Variants in SDHAF3 observed in about 807,000 individuals in gnomAD.
SDHAF3 encodes the protein succinate dehydrogenase complex assembly factor 3.
In SDHAF3, 18 loss-of-function variants were observed where a neutral mutation model predicts 11.5. The observed-to-expected ratio is 1.56, with a 90% CI of 1.08 to 2.32. SDHAF3 has a LOEUF of 2.32. SDHAF3 is among the 30% of genes most tolerant of loss of function. The pLI is 0.00. For synonymous variants in SDHAF3, 72 were observed against 59.3 expected (o/e 1.21, Z -0.99); for missense variants, 200 against 154.4 (o/e 1.30, Z -1.57).
At chr7:97,132,352 G>A (rs183482693) in intron 1 of SDHAF3, among the ~76,000 whole-genome samples, 46 of 152,116 alleles carry the variant, frequency 3.0e-4, no homozygotes, top group East Asian at 1.9e-4. Context: ...AAATCTAAAC[G>A]TGTAGATTCA....
chr7:97,171,264 T>G (rs1789598398), intron 1 of SDHAF3, among the ~76,000 whole-genome samples: 1 of 152,078 alleles, frequency 6.6e-6, no homozygotes, highest in Non-Finnish European at 1.5e-5. Flanking sequence ...GAATAAATTT[T>G]GGGGGAAAGT....
chr7:97,163,073 A>G (rs915524542), intron 1 of SDHAF3, among the ~76,000 whole-genome samples: 2 of 151,168 alleles, frequency 1.3e-5, no homozygotes, highest in Non-Finnish European at 1.5e-5. Context: ...ATTTGGGTGC[A>G]TATATATTTA....
chr7:97,141,053 G>A (rs901721445), intron 1 of SDHAF3, among the ~76,000 whole-genome samples: 6 of 152,222 alleles, frequency 3.9e-5, no homozygotes, highest in African/African-American at 1.4e-4. Flanking sequence ...CTGCTTTGGG[G>A]ATGGCTGTCT....
At chr7:97,180,817 TA>T (rs1192676390) in intron 1 of SDHAF3, among the ~76,000 whole-genome samples, 194 bp from the exon 2 acceptor site, 3 of 152,176 alleles carry the variant, frequency 2.0e-5, no homozygotes, top group Non-Finnish European at 4.4e-5. Flanking sequence ...TTAAAACACT[TA>T]AAGTGCTAAA....
chr7:97,180,550 C>G (rs895746159), intron 1 of SDHAF3, among the ~76,000 whole-genome samples: 2 of 152,056 alleles, frequency 1.3e-5, no homozygotes, highest in Non-Finnish European at 2.9e-5. Flanking sequence ...GCAGTTATTC[C>G]CATCTAACAA....
intron 1 of SDHAF3, among the ~76,000 whole-genome samples, chr7:97,176,665 T>G (rs1404132730): frequency 6.6e-6 from 1 of 152,176 alleles, no homozygotes; most frequent in African/African-American, 2.4e-5. Context: ...TTGGGTTTTT[T>G]TGTTTCCTTT....
intron 1 of SDHAF3, among the ~76,000 whole-genome samples, chr7:97,163,795 GTT>G (rs887791967): frequency 3.9e-5 from 6 of 152,102 alleles, no homozygotes; most frequent in African/African-American, 1.4e-4. Context: ...GGTACCAATT[GTT>G]TCCTTTCCAT....
At chr7:97,122,334 T>C (rs1261790567) in intron 1 of SDHAF3, among the ~76,000 whole-genome samples, 1 of 152,138 alleles carries the variant, frequency 6.6e-6, no homozygotes, top group Non-Finnish European at 1.5e-5. Context: ...ATGACTTAAA[T>C]TACATTCTAG....
rs749666136 is a variant in SDHAF3 at position 97,181,158 on chromosome 7, A to C, written c.321A>C (p.Glu107Asp). The change falls in exon 2 of 2, where the codon GAA becomes GAC. Residue 107 changes from glutamate to aspartate, a missense_variant. Physicochemically the swap from Glu to Asp is conservative, Grantham distance 45. Transcript: ENST00000432641. ...GACAGTTGCAGGAGCTGATGCAAGA[A>C]GCCACAAAACCCAATAGGCAATTTA... ...QIGQLQELMQ[E>D]ATKPNRQFSI... 6.2e-7 allele frequency: 1 copy of C among 1,614,070 alleles called. No individual in the cohort carries two copies. The highest frequency in any genetic ancestry group is 8.5e-7 in the Non-Finnish European group (1 of 1,179,946).
intron 1 of SDHAF3, among the ~76,000 whole-genome samples, chr7:97,148,602 A>G (rs890208653): frequency 6.6e-5 from 10 of 152,290 alleles, no homozygotes; most frequent in South Asian, 4.1e-4. Context: ...TTGATAAACA[A>G]TTCACCCTGT....
chr7:97,180,967 T>C (rs776966984), intron 1 of SDHAF3, 45 bp from the exon 2 acceptor site: 1 of 1,504,010 alleles, frequency 6.6e-7, no homozygotes, highest in Non-Finnish European at 9.0e-7. Context: ...ATGTTAAATA[T>C]TATTTAAACT....
intron 1 of SDHAF3, among the ~76,000 whole-genome samples, chr7:97,169,266 C>T (rs187301141): frequency 1.2e-4 from 19 of 152,042 alleles, no homozygotes; most frequent in South Asian, 4.2e-4. Context: ...GCTAAGATCG[C>T]GGCGCTGCAC....
At chr7:97,178,389 A>G (rs1016654945) in intron 1 of SDHAF3, among the ~76,000 whole-genome samples, 1 of 152,198 alleles carries the variant, frequency 6.6e-6, no homozygotes, top group African/African-American at 2.4e-5. Flanking sequence ...TAATATACCT[A>G]TGAGTGCATT....
At chr7:97,135,023 C>T (rs1007782590) in intron 1 of SDHAF3, 1 of 151,868 alleles carries the variant, frequency 6.6e-6, no homozygotes, top group African/African-American at 2.4e-5. Context: ...TTCCTTTAAC[C>T]CTCTCTTTCT....
chr7:97,147,861 A>G (rs560570383), intron 1 of SDHAF3, among the ~76,000 whole-genome samples: 2 of 152,252 alleles, frequency 1.3e-5, no homozygotes, highest in East Asian at 1.9e-4. Context: ...ATGTGTTATC[A>G]CTGTAAAAAA....
At chr7:97,157,728 C>A (rs561280245) in intron 1 of SDHAF3, among the ~76,000 whole-genome samples, 2 of 152,148 alleles carry the variant, frequency 1.3e-5, no homozygotes, top group African/African-American at 2.4e-5. Context: ...AAATGTCCAA[C>A]AATGATAGAC....
At chr7:97,123,053 G>A (rs1427624854) in intron 1 of SDHAF3, among the ~76,000 whole-genome samples, 1 of 151,982 alleles carries the variant, frequency 6.6e-6, no homozygotes, top group East Asian at 1.9e-4. Flanking sequence ...AGGTATACAT[G>A]TACCATGGTG....
chr7:97,127,897 G>GTT (rs920829054), intron 1 of SDHAF3, among the ~76,000 whole-genome samples: 208 of 106,266 alleles, frequency 2.0e-3, no homozygotes, highest in African/African-American at 3.9e-3. Flanking sequence ...TCTACATCAA[G>GTT]TTTTTTTTTT....
intron 1 of SDHAF3, among the ~76,000 whole-genome samples, chr7:97,118,271 T>C (rs1428978134): frequency 6.6e-6 from 1 of 152,228 alleles, no homozygotes; most frequent in Non-Finnish European, 1.5e-5. Context: ...GGTTCTCTTA[T>C]TAGTTTTCAA....
Sources: gnomAD v4.1 joint callset for allele counts (sites outside exome capture counted in the v4.1 genomes callset) on GRCh38, gnomAD v4.1.1 for gene constraint, MANE v1.5 for transcripts, NCBI Gene and HGNC (gene_info 2026-07-23, HGNC 2026-07-21) for gene names.